GLMN: variants seen among roughly 807,000 people sequenced by gnomAD.
GLMN encodes the protein glomulin, FKBP associated protein, also known as glomulin.
In GLMN, 75 loss-of-function variants were observed where a neutral mutation model predicts 87.8. That is an observed-to-expected ratio of 0.85 (90% CI 0.71 to 1.04). The LOEUF is 1.04. Ranked by LOEUF, GLMN falls within the 50% of genes least tolerant of loss-of-function variation. The pLI is 0.00. For synonymous variants in GLMN, 206 were observed against 221.6 expected (o/e 0.93, Z 0.63); for missense variants, 588 against 658.8 (o/e 0.89, Z 1.18).
intron 2 of GLMN, 118 bp downstream of exon 2, chr1:92,297,842 CA>C: frequency 1.6e-5 from 11 of 683,114 alleles, no homozygotes; most frequent in South Asian, 3.5e-5. Flanking sequence ...CTTTACAGGT[CA>C]AAAAAAGCAA....
chr1:92,301,646 G>T, upstream of GLMN: 1 of 701,188 alleles, frequency 1.4e-6, no homozygotes, highest in Non-Finnish European at 2.3e-6. Flanking sequence ...TTAAATCTGT[G>T]CAGCATGAAA....
At chr1:92,249,490 T>G (rs1653158327) in intron 16 of GLMN, among the ~76,000 whole-genome samples, 1 of 152,030 alleles carries the variant, frequency 6.6e-6, no homozygotes, top group African/African-American at 2.4e-5. Context: ...CCTCTCTCTA[T>G]CCAGCCTTTT....
At chr1:92,324,267 C>T in the GLMN span, 2,366 of 1,613,850 alleles carry the variant, frequency 1.5e-3, 3 homozygotes, top group Admixed American at 1.9e-3. Context: ...TGCCAAGTTA[C>T]GAGAATTTGA....
At chr1:92,343,847 T>TA in the GLMN span, among the ~76,000 whole-genome samples, 1 of 152,224 alleles carries the variant, frequency 6.6e-6, no homozygotes, top group Non-Finnish European at 1.5e-5. Context: ...TTGTACTTTT[T>TA]AATACTGTGG....
chr1:92,332,121 T>C, the GLMN span, among the ~76,000 whole-genome samples: 60 of 152,032 alleles, frequency 3.9e-4, no homozygotes, highest in Non-Finnish European at 7.1e-4. Flanking sequence ...GTCTTTTTTT[T>C]TACTGTATCT....
intron 3 of GLMN, among the ~76,000 whole-genome samples, chr1:92,292,479 C>G (rs1407962098): frequency 6.6e-6 from 1 of 151,874 alleles, no homozygotes; most frequent in African/African-American, 2.4e-5. Context: ...GGCGCTGTCC[C>G]AGCTCACTGC....
At chr1:92,334,248 T>C in the GLMN span, among the ~76,000 whole-genome samples, 4 of 152,216 alleles carry the variant, frequency 2.6e-5, no homozygotes, top group African/African-American at 9.6e-5. Context: ...AAACTAATTA[T>C]GGTATAGGAG....
At position 92,247,132 on chromosome 1, in the gene GLMN, G is replaced by C; in HGVS notation, c.1598C>G (p.Ser533Cys). ...TACAGTTATAGAACAAAGATCTTTA[G>C]ATTTCTGGGCCTCTGTAAGAGAAGA... ...EIKNSQEAQK[S>C]KDLCSITVSG... Residue 533 changes from serine (S) to cysteine (C), a missense_variant, in exon 18 of 19, where the codon TCT becomes TGT. Physicochemically the swap from Ser to Cys is moderately radical, Grantham distance 112. Transcript: ENST00000370360. The C allele has an allele frequency of 1.3e-6, 2 of 1,542,066 alleles. No homozygotes were observed. The highest frequency in any genetic ancestry group is 1.8e-6 in the Non-Finnish European group (2 of 1,115,728).
the GLMN span, among the ~76,000 whole-genome samples, chr1:92,356,032 AT>A: frequency 6.6e-6 from 1 of 152,220 alleles, no homozygotes; most frequent in African/African-American, 2.4e-5. Flanking sequence ...GTGTAAATTA[AT>A]TTTTTAAATG....
chr1:92,263,479 T>C (rs1655263813), intron 15 of GLMN, 144 bp downstream of exon 15: 4 of 675,816 alleles, frequency 5.9e-6, no homozygotes, highest in Non-Finnish European at 8.1e-6. Context: ...CACTTAAATA[T>C]GAAAAATCTT....
the GLMN span, among the ~76,000 whole-genome samples, chr1:92,309,317 C>T: frequency 6.6e-6 from 1 of 151,878 alleles, no homozygotes; most frequent in Non-Finnish European, 1.5e-5. Context: ...TGACACATGC[C>T]TGTAGTCTCA....
At chr1:92,307,743 A>G in the GLMN span, among the ~76,000 whole-genome samples, 5 of 151,820 alleles carry the variant, frequency 3.3e-5, no homozygotes. Flanking sequence ...TTTTTGTAAA[A>G]AGAGTTTATG....
At chr1:92,369,009 AGTT>A in the GLMN span, among the ~76,000 whole-genome samples, 1 of 152,170 alleles carries the variant, frequency 6.6e-6, no homozygotes, top group Non-Finnish European at 1.5e-5. Context: ...TTATCATGTG[AGTT>A]GTTTTCAAAT....
upstream of GLMN, among the ~76,000 whole-genome samples, chr1:92,300,508 C>G (rs17578954): frequency 0.061 from 9,272 of 152,238 alleles, 350 homozygotes; most frequent in Non-Finnish European, 0.092. Flanking sequence ...TTCAGGTACA[C>G]TCTCCTTTTA....
the GLMN span, among the ~76,000 whole-genome samples, chr1:92,327,598 G>T: frequency 2.5e-3 from 385 of 152,186 alleles, 3 homozygotes; most frequent in South Asian, 9.3e-3. Context: ...TGGTGAATTC[G>T]TATTAATTTT....
At chr1:92,314,419 A>G in the GLMN span, among the ~76,000 whole-genome samples, 4 of 150,860 alleles carry the variant, frequency 2.7e-5, no homozygotes, top group South Asian at 8.3e-4. Flanking sequence ...TACATTTTTA[A>G]CATCTGTGCA....
intron 7 of GLMN, among the ~76,000 whole-genome samples, chr1:92,276,236 T>C (rs1044163655): frequency 3.9e-5 from 6 of 151,916 alleles, no homozygotes; most frequent in Non-Finnish European, 4.4e-5. Context: ...AAAAAATATA[T>C]ATACACATTT....
At chr1:92,283,332 C>A (rs905608201) in intron 7 of GLMN, among the ~76,000 whole-genome samples, 3 of 152,126 alleles carry the variant, frequency 2.0e-5, no homozygotes, top group Non-Finnish European at 4.4e-5. Context: ...AATCAATAAA[C>A]GTAATCTATC....
At chr1:92,352,256 T>G in the GLMN span, among the ~76,000 whole-genome samples, 1 of 152,008 alleles carries the variant, frequency 6.6e-6, no homozygotes, top group Non-Finnish European at 1.5e-5. Context: ...GTTCAGGGAG[T>G]AGCATGCAAG....
Sources: allele counts gnomAD v4.1 joint callset (sites outside exome capture counted in the v4.1 genomes callset), GRCh38; gene constraint gnomAD v4.1.1; transcripts MANE v1.5; gene names NCBI Gene and HGNC (gene_info 2026-07-23, HGNC 2026-07-21).